ADAMTSL3: variants seen among roughly 807,000 people sequenced by gnomAD.
The protein encoded by ADAMTSL3 is ADAMTS like 3.
ADAMTSL3 carries 128 observed loss-of-function variants against 201.7 expected under a neutral mutation model. That is an observed-to-expected ratio of 0.63 (90% CI 0.55 to 0.73). ADAMTSL3 has a LOEUF of 0.73. Ranked by LOEUF, ADAMTSL3 falls within the 30% of genes least tolerant of loss-of-function variation. The pLI is 0.00. For missense variants in ADAMTSL3, 1,990 were observed against 2,119.6 expected (o/e 0.94, Z 1.20); for synonymous variants, 738 against 748.4 (o/e 0.99, Z 0.23).
At chr15:83,844,807 AG>A (rs2064460638) in intron 7 of ADAMTSL3, among the ~76,000 whole-genome samples, 1 of 152,198 alleles carries the variant, frequency 6.6e-6, no homozygotes, top group Non-Finnish European at 1.5e-5. Context: ...TGTGTTGCAA[AG>A]GAATGTCATA....
At chr15:83,781,045 T>C (rs1488869019) in intron 4 of ADAMTSL3, among the ~76,000 whole-genome samples, 3 of 152,166 alleles carry the variant, frequency 2.0e-5, no homozygotes, top group Admixed American at 1.3e-4. Context: ...AAGCAATTTA[T>C]AGATTCAATG....
At chr15:83,687,670 A>G (rs1410220392) in intron 2 of ADAMTSL3, among the ~76,000 whole-genome samples, 1 of 152,142 alleles carries the variant, frequency 6.6e-6, no homozygotes, top group Non-Finnish European at 1.5e-5. Context: ...GCTACATATG[A>G]TTTCAAAATA....
chr15:83,670,067 G>T (rs2061309256), intron 2 of ADAMTSL3, among the ~76,000 whole-genome samples: 1 of 151,640 alleles, frequency 6.6e-6, no homozygotes, highest in Non-Finnish European at 1.5e-5. Flanking sequence ...AGACCAGCCT[G>T]GCCAACATGG....
chr15:83,754,374 A>G (rs2141681407), intron 3 of ADAMTSL3, among the ~76,000 whole-genome samples: 1 of 152,302 alleles, frequency 6.6e-6, no homozygotes, highest in Middle Eastern at 3.4e-3. Flanking sequence ...CCAGCCACCA[A>G]GACAGGCTTC....
At chr15:83,827,299 A>G (rs191557141) in intron 6 of ADAMTSL3, among the ~76,000 whole-genome samples, 1 of 152,290 alleles carries the variant, frequency 6.6e-6, no homozygotes, top group African/African-American at 2.4e-5. Flanking sequence ...TTGGCTGTAT[A>G]AATGTCTTCT....
intron 2 of ADAMTSL3, among the ~76,000 whole-genome samples, chr15:83,673,786 G>A (rs1448220937): frequency 2.0e-5 from 3 of 152,182 alleles, no homozygotes; most frequent in African/African-American, 7.2e-5. Flanking sequence ...TCCATTGACT[G>A]ACAATCCCTG....
chr15:83,690,616 G>T (rs2061597797), intron 2 of ADAMTSL3, among the ~76,000 whole-genome samples: 1 of 152,064 alleles, frequency 6.6e-6, no homozygotes, highest in East Asian at 1.9e-4. Context: ...GTTCTTCCCT[G>T]TCTTGGATAG....
At chr15:83,715,994 C>A (rs1012833584) in intron 3 of ADAMTSL3, among the ~76,000 whole-genome samples, 2 of 152,186 alleles carry the variant, frequency 1.3e-5, no homozygotes, top group African/African-American at 4.8e-5. Context: ...TTGAAATAGT[C>A]ACTCATGTTT....
At chr15:83,778,348 G>A (rs868184478) in intron 4 of ADAMTSL3, among the ~76,000 whole-genome samples, 1 of 152,116 alleles carries the variant, frequency 6.6e-6, no homozygotes, top group Non-Finnish European at 1.5e-5. Flanking sequence ...AGGCTGAAAT[G>A]AGAAAAAATG....
intron 26 of ADAMTSL3, among the ~76,000 whole-genome samples, chr15:84,024,897 T>A (rs1312945462): frequency 6.6e-6 from 1 of 152,186 alleles, no homozygotes; most frequent in Non-Finnish European, 1.5e-5. Flanking sequence ...TTTCTTCATT[T>A]TAGTTTCAGT....
intron 27 of ADAMTSL3, among the ~76,000 whole-genome samples, chr15:84,027,095 A>G (rs1477410197): frequency 6.6e-6 from 1 of 152,240 alleles, no homozygotes; most frequent in African/African-American, 2.4e-5. Context: ...ATAAACTATC[A>G]GCAAGATATG....
chr15:83,701,785 G>A (rs2061781768), intron 2 of ADAMTSL3, among the ~76,000 whole-genome samples: 1 of 152,108 alleles, frequency 6.6e-6, no homozygotes, highest in Admixed American at 6.5e-5. Context: ...TCCCAGTCTC[G>A]AGTATGTCAT....
chr15:83,704,522 A>T lies in ADAMTSL3; in HGVS notation c.189+14A>T. ...TATGATGACCAGGTAAGAACATTGG[A>T]CAAGGATCTACCTTTGGCTTTGCTG... On this transcript the variant is annotated intron_variant, in intron 3 of 29. Transcript: ENST00000286744. 1.2e-6 allele frequency: 2 copies of T among 1,613,974 alleles called. No homozygotes were observed. The highest frequency in any genetic ancestry group is 1.1e-5 in the South Asian group (1 of 91,028).
intron 3 of ADAMTSL3, among the ~76,000 whole-genome samples, chr15:83,739,557 A>G (rs1411791286): frequency 6.6e-6 from 1 of 151,938 alleles, no homozygotes; most frequent in Non-Finnish European, 1.5e-5. Context: ...TGCCATCCCC[A>G]AGATATCTTT....
chr15:84,034,477 G>C (rs1435747742), intron 28 of ADAMTSL3, among the ~76,000 whole-genome samples: 1 of 152,156 alleles, frequency 6.6e-6, no homozygotes, highest in Non-Finnish European at 1.5e-5. Flanking sequence ...AGAGGGAATG[G>C]GAATTGTCAG....
chr15:83,744,345 A>T (rs2062508937), intron 3 of ADAMTSL3, among the ~76,000 whole-genome samples: 1 of 152,064 alleles, frequency 6.6e-6, no homozygotes, highest in South Asian at 2.1e-4. Flanking sequence ...AGATTCCATG[A>T]TTTTCTCATT....
chr15:83,797,881 G>C (rs1041458582), intron 4 of ADAMTSL3, among the ~76,000 whole-genome samples: 1 of 152,120 alleles, frequency 6.6e-6, no homozygotes, highest in Non-Finnish European at 1.5e-5. Context: ...ATTGCTCATT[G>C]CAGAACTGTG....
intron 19 of ADAMTSL3, among the ~76,000 whole-genome samples, chr15:83,954,019 C>T (rs1438477845): frequency 6.6e-6 from 1 of 152,130 alleles, no homozygotes; most frequent in Non-Finnish European, 1.5e-5. Flanking sequence ...GTCCTCTTTG[C>T]ACTAAGTATG....
intron 5 of ADAMTSL3, among the ~76,000 whole-genome samples, chr15:83,816,192 A>AACT (rs1414993190): frequency 6.6e-6 from 1 of 152,208 alleles, no homozygotes; most frequent in African/African-American, 2.4e-5. Flanking sequence ...TTGCTGTGGG[A>AACT]ACTGGCTTGC....
Sources: gnomAD v4.1 joint callset for allele counts (sites outside exome capture counted in the v4.1 genomes callset) on GRCh38, gnomAD v4.1.1 for gene constraint, MANE v1.5 for transcripts, NCBI Gene and HGNC (gene_info 2026-07-23, HGNC 2026-07-21) for gene names.